Variants in ARL15 observed in about 807,000 individuals in gnomAD.
The protein encoded by ARL15 is ARF like GTPase 15.
In ARL15, 19 loss-of-function variants were observed where a neutral mutation model predicts 25.2. The observed-to-expected ratio is 0.75, with a 90% CI of 0.53 to 1.10. ARL15 has a LOEUF of 1.10. ARL15 is among the 50% of genes least tolerant of loss of function. The pLI is 0.00. For synonymous variants in ARL15, 94 were observed against 86.8 expected, an observed-to-expected ratio of 1.08 and a Z score of -0.46; for missense variants, 220 against 246.0, an observed-to-expected ratio of 0.89 and a Z score of 0.71.
intron 3 of ARL15, among the ~76,000 whole-genome samples, chr5:54,134,853 G>A (rs987251870): frequency 1.3e-5 from 2 of 152,078 alleles, no homozygotes; most frequent in Admixed American, 1.3e-4. Context: ...AAAGTGCTGG[G>A]ATTACAGGCG....
At chr5:54,202,755 T>C (rs1755757828) in intron 1 of ARL15, among the ~76,000 whole-genome samples, 1 of 152,212 alleles carries the variant, frequency 6.6e-6, no homozygotes, top group Non-Finnish European at 1.5e-5. Flanking sequence ...TCATATGCAA[T>C]TATCCTTAAA....
intron 4 of ARL15, among the ~76,000 whole-genome samples, chr5:54,109,368 A>G (rs1752676203): frequency 6.6e-6 from 1 of 152,026 alleles, no homozygotes; most frequent in Non-Finnish European, 1.5e-5. Flanking sequence ...AAGGATATAG[A>G]CAAACATCAA....
intron 1 of ARL15, among the ~76,000 whole-genome samples, chr5:54,287,756 A>G (rs1758218417): frequency 6.6e-6 from 1 of 152,148 alleles, no homozygotes; most frequent in African/African-American, 2.4e-5. Context: ...TGGTCACATC[A>G]TAGAGTCTGT....
At chr5:54,071,513 C>CG (rs1751418531) in intron 4 of ARL15, among the ~76,000 whole-genome samples, 1 of 12,182 alleles carries the variant, frequency 8.2e-5, no homozygotes, top group African/African-American at 1.6e-4. Context: ...CCGCCTTTCC[C>CG]CCCCCCCCCC....
At chr5:54,015,411 G>A (rs1181447184) in intron 4 of ARL15, among the ~76,000 whole-genome samples, 4 of 152,040 alleles carry the variant, frequency 2.6e-5, no homozygotes, top group African/African-American at 4.8e-5. Flanking sequence ...TTTTGGATAA[G>A]GGATGCTCAA....
intron 1 of ARL15, among the ~76,000 whole-genome samples, chr5:54,186,705 A>C (rs926380675): frequency 6.6e-6 from 1 of 152,222 alleles, no homozygotes; most frequent in Non-Finnish European, 1.5e-5. Flanking sequence ...TATTCCCTGA[A>C]ATTAGTACAG....
chr5:54,191,767 C>T (rs1000271332), intron 1 of ARL15, among the ~76,000 whole-genome samples: 12 of 152,238 alleles, frequency 7.9e-5, no homozygotes, highest in Middle Eastern at 3.4e-3. Flanking sequence ...TTCCAAAAGC[C>T]TCACACTGGC....
chr5:53,891,648 A>G (rs907572937), intron 4 of ARL15, among the ~76,000 whole-genome samples: 3 of 152,076 alleles, frequency 2.0e-5, no homozygotes, highest in African/African-American at 7.2e-5. Context: ...TGCTTTCCCC[A>G]TTCTCCCCCA....
At chr5:54,224,839 A>ACAGGC (rs1172221836) in intron 1 of ARL15, among the ~76,000 whole-genome samples, 3 of 152,248 alleles carry the variant, frequency 2.0e-5, no homozygotes, top group African/African-American at 7.2e-5. Context: ...AGCCATAGGA[A>ACAGGC]CAGGCAGTAT....
intron 3 of ARL15, among the ~76,000 whole-genome samples, chr5:54,130,571 T>C (rs1180003777): frequency 6.6e-6 from 1 of 152,200 alleles, no homozygotes; most frequent in Non-Finnish European, 1.5e-5. Context: ...AAATGATATA[T>C]TATTAACTTA....
At chr5:54,045,495 G>A (rs1750476895) in intron 4 of ARL15, among the ~76,000 whole-genome samples, 1 of 151,628 alleles carries the variant, frequency 6.6e-6, no homozygotes, top group Non-Finnish European at 1.5e-5. Context: ...GATACAGATT[G>A]TTTAAACAAC....
intron 4 of ARL15, among the ~76,000 whole-genome samples, chr5:54,023,331 AT>A: frequency 6.6e-6 from 1 of 151,872 alleles, no homozygotes; most frequent in Non-Finnish European, 1.5e-5. Context: ...TGGAAATGCA[AT>A]TATAAACAAA....
chr5:54,176,459 G>A (rs1160989865), intron 1 of ARL15, among the ~76,000 whole-genome samples: 2 of 152,088 alleles, frequency 1.3e-5, no homozygotes, highest in Non-Finnish European at 2.9e-5. Flanking sequence ...GGATCCTATA[G>A]TCAATTTACT....
intron 4 of ARL15, among the ~76,000 whole-genome samples, chr5:54,057,802 T>C (rs918620428): frequency 6.6e-6 from 1 of 152,054 alleles, no homozygotes; most frequent in East Asian, 1.9e-4. Flanking sequence ...GGAGCCATGG[T>C]TGCACCTCTC....
intron 4 of ARL15, among the ~76,000 whole-genome samples, chr5:54,001,254 A>AT (rs1748841316): frequency 6.6e-6 from 1 of 152,194 alleles, no homozygotes; most frequent in African/African-American, 2.4e-5. Context: ...GTACCTTAAT[A>AT]CATTATACAC....
intron 1 of ARL15, chr5:54,307,786 CTCTT>C (rs985031700): frequency 6.6e-6 from 1 of 152,194 alleles, no homozygotes; most frequent in African/African-American, 2.4e-5. Flanking sequence ...ACACAGCTCT[CTCTT>C]CCAGTTTCCA....
intron 4 of ARL15, among the ~76,000 whole-genome samples, chr5:54,092,556 T>A (rs1158899857): frequency 1.3e-5 from 2 of 152,206 alleles, no homozygotes; most frequent in Non-Finnish European, 2.9e-5. Context: ...AGGAGACCAC[T>A]GAAATAACCA....
At chr5:54,213,575 A>G (rs1177393948) in intron 1 of ARL15, among the ~76,000 whole-genome samples, 1 of 152,208 alleles carries the variant, frequency 6.6e-6, no homozygotes, top group East Asian at 1.9e-4. Context: ...TTTGAGGAAA[A>G]CAGGAATAAA....
intron 1 of ARL15, among the ~76,000 whole-genome samples, chr5:54,297,090 C>T (rs1025322037): frequency 1.3e-5 from 2 of 152,182 alleles, no homozygotes; most frequent in African/African-American, 4.8e-5. Context: ...AGAGGGTCCT[C>T]ATTCAGATTA....
Sources: allele counts gnomAD v4.1 joint callset (sites outside exome capture counted in the v4.1 genomes callset), GRCh38; gene constraint gnomAD v4.1.1; transcripts MANE v1.5; gene names NCBI Gene and HGNC (gene_info 2026-07-23, HGNC 2026-07-21).